Variants in DCC observed in about 807,000 individuals in gnomAD.
DCC encodes the protein netrin receptor DCC.
A neutral mutation model predicts 172.5 loss-of-function variants in DCC; 58 were observed. That is an observed-to-expected ratio of 0.34 (90% CI 0.27 to 0.42). The LOEUF is 0.42. Among genes scored for constraint, DCC ranks in the 10% least tolerant of loss-of-function variants. DCC has a pLI of 1.00. For synonymous variants in DCC, 709 were observed against 644.5 expected, an observed-to-expected ratio of 1.10 and a Z score of -1.52; for missense variants, 1,740 against 1,791.0, an observed-to-expected ratio of 0.97 and a Z score of 0.51.
rs1202560747 is a variant in DCC at position 52,923,569 on chromosome 18, C to A, written c.698-138C>A. On this transcript the variant is annotated intron_variant, in intron 3 of 28. Transcript: ENST00000442544. ...TCCTATACACTTGGGATGAAAAAAA[C>A]TATTTTAGGAGTTTACAAATTTCAT... is the stretch of plus-strand genomic sequence containing the variant. 3.2e-5 allele frequency: 23 copies of A among 716,394 alleles called. No homozygotes were observed. The East Asian group carries it at 5.9e-4, about 18-fold the overall frequency. 44.4% of individuals were successfully genotyped at this position (716,394 alleles called of 1,614,324 possible).
At chr18:52,381,163 A>C (rs1192321990) in intron 1 of DCC, among the ~76,000 whole-genome samples, 1 of 152,150 alleles carries the variant, frequency 6.6e-6, no homozygotes, top group African/African-American at 2.4e-5. Flanking sequence ...AAAAAAAATC[A>C]AATCAAGTTT....
intron 12 of DCC, among the ~76,000 whole-genome samples, chr18:53,261,803 A>G (rs1038980581): frequency 6.6e-6 from 1 of 152,096 alleles, no homozygotes; most frequent in Admixed American, 6.5e-5. Context: ...CCGGCCATTT[A>G]TGAATACCTT....
intron 2 of DCC, among the ~76,000 whole-genome samples, chr18:52,754,463 A>G (rs1371156033): frequency 6.6e-6 from 1 of 152,208 alleles, no homozygotes; most frequent in African/African-American, 2.4e-5. Flanking sequence ...TAGTGCCGTT[A>G]TAAAAGTAAC....
At chr18:52,468,322 A>G (rs915108674) in intron 1 of DCC, among the ~76,000 whole-genome samples, 6 of 152,226 alleles carry the variant, frequency 3.9e-5, no homozygotes, top group African/African-American at 1.4e-4. Flanking sequence ...TGTCCATCGA[A>G]AAAGATTGAT....
intron 7 of DCC, among the ~76,000 whole-genome samples, chr18:53,127,445 C>A (rs538917555): frequency 6.6e-6 from 1 of 152,002 alleles, no homozygotes; most frequent in Non-Finnish European, 1.5e-5. Context: ...CAGATATTGC[C>A]GGTGTTCTCC....
At chr18:53,039,591 T>G (rs1353855771) in intron 5 of DCC, among the ~76,000 whole-genome samples, 2 of 152,008 alleles carry the variant, frequency 1.3e-5, no homozygotes, top group Non-Finnish European at 2.9e-5. Context: ...TGGCAGAGGT[T>G]GGAAAGAGGC....
intron 21 of DCC, among the ~76,000 whole-genome samples, chr18:53,418,349 T>C (rs182639084): frequency 2.6e-4 from 39 of 152,174 alleles, no homozygotes; most frequent in Non-Finnish European, 5.6e-4. Flanking sequence ...ACCACATGCA[T>C]GAGAAATAAC....
intron 5 of DCC, among the ~76,000 whole-genome samples, chr18:53,005,633 C>G (rs1272422106): frequency 6.6e-6 from 1 of 152,116 alleles, no homozygotes; most frequent in African/African-American, 2.4e-5. Flanking sequence ...GAGACTGAGC[C>G]AGGAGAATCG....
At chr18:52,850,004 A>G (rs895616204) in intron 2 of DCC, among the ~76,000 whole-genome samples, 4 of 152,214 alleles carry the variant, frequency 2.6e-5, no homozygotes, top group African/African-American at 9.6e-5. Context: ...AGCAAAGAGA[A>G]CTAGAGGTTA....
At chr18:53,218,273 T>C (rs998637057) in intron 12 of DCC, among the ~76,000 whole-genome samples, 1 of 152,130 alleles carries the variant, frequency 6.6e-6, no homozygotes, top group Non-Finnish European at 1.5e-5. Flanking sequence ...TGATAGTAAA[T>C]GAAATAACTT....
chr18:52,806,746 A>G (rs2038092973), intron 2 of DCC, among the ~76,000 whole-genome samples: 1 of 152,134 alleles, frequency 6.6e-6, no homozygotes, highest in Non-Finnish European at 1.5e-5. Flanking sequence ...CTATCATGGC[A>G]GTGGTGGGAG....
chr18:52,509,458 T>TAAGTGATTAGACCAATTAACA (rs1298005912), intron 1 of DCC, among the ~76,000 whole-genome samples: 4 of 152,310 alleles, frequency 2.6e-5, no homozygotes, highest in African/African-American at 9.6e-5. Flanking sequence ...TGAATTGATT[T>TAAGTGATTAGACCAATTAACA]AAGTGATTAG....
intron 5 of DCC, among the ~76,000 whole-genome samples, chr18:53,034,937 A>C (rs994987767): frequency 6.6e-6 from 1 of 151,968 alleles, no homozygotes; most frequent in Non-Finnish European, 1.5e-5. Flanking sequence ...GCCCATTCAC[A>C]CTACCCTAGC....
In DCC at chr18:52,942,075, G is replaced by T. The variant is rs1335002892; in HGVS notation, c.985+16705G>T. Among the ~76,000 whole-genome samples the T allele has an allele frequency of 1.1e-4, 16 of 152,254 alleles. No individual in the cohort carries two copies. In the East Asian group the frequency reaches 2.9e-3, roughly 28 times the overall value. The stretch of plus-strand genomic sequence containing the variant: ...TGGGATTACAAGTGTGAGCCACTGC[G>T]CCTGGCCCATTTTCTGATTTTTAAA... On this transcript the variant is annotated intron_variant, in intron 5 of 28. Transcript: ENST00000442544.
At chr18:53,241,788 G>C (rs1029478461) in intron 12 of DCC, among the ~76,000 whole-genome samples, 2 of 152,148 alleles carry the variant, frequency 1.3e-5, no homozygotes, top group African/African-American at 4.8e-5. Context: ...GGGGAAGGCA[G>C]GTTCCCTCTG....
At chr18:52,571,398 T>C (rs1402107235) in intron 1 of DCC, among the ~76,000 whole-genome samples, 1 of 151,480 alleles carries the variant, frequency 6.6e-6, no homozygotes, top group Non-Finnish European at 1.5e-5. Context: ...AATGGTCACC[T>C]GTTTTTATAG....
At chr18:53,429,015 A>G (rs1426648512) in intron 21 of DCC, among the ~76,000 whole-genome samples, 1 of 49,958 alleles carries the variant, frequency 2.0e-5, no homozygotes, top group Non-Finnish European at 4.9e-5. Flanking sequence ...TATATATTTT[A>G]TATATTTTTT....
intron 1 of DCC, among the ~76,000 whole-genome samples, chr18:52,457,932 C>T (rs1429790228): frequency 6.7e-6 from 1 of 150,248 alleles, no homozygotes; most frequent in Non-Finnish European, 1.5e-5. Context: ...AACAAACAAA[C>T]AAACAACAAA....
intron 25 of DCC, among the ~76,000 whole-genome samples, chr18:53,485,862 G>T (rs2045894178): frequency 6.6e-6 from 1 of 151,848 alleles, no homozygotes; most frequent in South Asian, 2.1e-4. Flanking sequence ...TTTTCATTTG[G>T]TAAATGTGCA....
Sources: gnomAD v4.1 joint callset for allele counts (sites outside exome capture counted in the v4.1 genomes callset) on GRCh38, gnomAD v4.1.1 for gene constraint, MANE v1.5 for transcripts, NCBI Gene and HGNC (gene_info 2026-07-23, HGNC 2026-07-21) for gene names.